NCR3LG1: variants seen among roughly 807,000 people sequenced by gnomAD.
NCR3LG1 encodes the protein natural killer cell cytotoxicity receptor 3 ligand 1.
A neutral mutation model predicts 34.8 loss-of-function variants in NCR3LG1; 35 were observed. That is an observed-to-expected ratio of 1.01 (90% CI 0.77 to 1.33). The LOEUF (loss-of-function observed/expected upper bound fraction) is 1.33, where lower values mean the gene tolerates loss of function less well. Among genes scored for constraint, NCR3LG1 ranks in the 40% most tolerant of loss-of-function variants. The pLI, the probability that NCR3LG1 is intolerant of heterozygous loss-of-function variation, is 0.00. For synonymous variants in NCR3LG1, 173 were observed against 163.6 expected (o/e 1.06, Z -0.44); for missense variants, 452 against 423.3 (o/e 1.07, Z -0.60).
chr11:17,362,691 C>CCTTCCTTTCTTT (rs1953285399), intron 2 of NCR3LG1, among the ~76,000 whole-genome samples: 2 of 33,162 alleles, frequency 6.0e-5, no homozygotes, highest in Non-Finnish European at 9.5e-5. Context: ...TTCCTTCCTT[C>CCTTCCTTTCTTT]CTTTCTTTCT....
intron 1 of NCR3LG1, among the ~76,000 whole-genome samples, chr11:17,352,264 T>C (rs1349918923): frequency 2.9e-5 from 4 of 140,246 alleles, no homozygotes; most frequent in African/African-American, 1.1e-4. Flanking sequence ...CACTGCAAGC[T>C]CCGCCTCCCA....
rs187707835 is a variant in NCR3LG1, at chr11:17,363,023, C to T, written c.422-3986C>T. 1.9e-3 allele frequency among the ~76,000 whole-genome samples: 290 copies of T among 149,416 alleles called. 5 individuals carry two copies. The highest frequency in any genetic ancestry group is 0.018 in the Admixed American group (261 of 14,858). On this transcript the variant is annotated intron_variant, in intron 2 of 4. Transcript: ENST00000338965. ...GCAGCCTTGACCTCCTGGGCACTAGCGATACTCCCACCTCGGCCTCTGGAA... is the reference window on the plus strand; with the variant it reads ...GCAGCCTTGACCTCCTGGGCACTAGTGATACTCCCACCTCGGCCTCTGGAA...
intron 1 of NCR3LG1, 62 bp from the exon 2 acceptor site, chr11:17,356,589 C>A: frequency 8.3e-7 from 1 of 1,206,588 alleles, no homozygotes; most frequent in Non-Finnish European, 1.2e-6. Flanking sequence ...CAGTCCATAG[C>A]ACATCTCAAA....
At chr11:17,368,381 G>A (rs986201008) in intron 3 of NCR3LG1, among the ~76,000 whole-genome samples, 9 of 152,222 alleles carry the variant, frequency 5.9e-5, no homozygotes, top group South Asian at 2.1e-4. Context: ...GGGGCACTGA[G>A]GAATGTGGTC....
intron 2 of NCR3LG1, among the ~76,000 whole-genome samples, chr11:17,357,377 A>G (rs890652358): frequency 6.6e-6 from 1 of 152,138 alleles, no homozygotes; most frequent in Non-Finnish European, 1.5e-5. Context: ...ATCATATTGG[A>G]TCAGAGCCCA....
chr11:17,372,472 T>C lies in NCR3LG1; in HGVS notation c.1325T>C (p.Leu442Pro). The change falls in exon 5 of 5, where the codon CTA becomes CCA. Residue 442 changes from leucine (L) to proline (P), a missense_variant. By Grantham distance (98) the Leu-to-Pro change is moderately conservative (BLOSUM62 -3). Coordinates refer to ENST00000338965, the MANE Select transcript of NCR3LG1 (RefSeq NM_001202439.3). ...GCCACAACATCAACAACTCCAGTTC[T>C]ATCCTCCCAACCCCCAACTTTACTG... ...PPATTSTTPV[L>P]SSQPPTLLLP... 2 of 702,632 alleles carry C rather than the reference T, an allele frequency of 2.8e-6. No homozygotes were observed. The highest frequency in any genetic ancestry group is 5.2e-6 in the Non-Finnish European group (2 of 384,778). 43.5% of individuals were successfully genotyped at this position (702,632 alleles called of 1,614,324 possible).
chr11:17,362,675 CCTTCCTTCCTTCCTTCCTTTCTTTCTTT>C (rs201001587), intron 2 of NCR3LG1, among the ~76,000 whole-genome samples: 1,985 of 63,970 alleles, frequency 0.031, 280 homozygotes, highest in African/African-American at 0.1. Context: ...CTCAGTGTCT[CCTTCCTTCCTTCCTTCCTTTCTTTCTTT>C]CTTTCTTTCT....
chr11:17,353,038 C>CA (rs769272905), intron 1 of NCR3LG1, among the ~76,000 whole-genome samples: 77 of 152,280 alleles, frequency 5.1e-4, no homozygotes, highest in Admixed American at 9.8e-4. Context: ...CGAGTCACTG[C>CA]AGGTGGAGGA....
In NCR3LG1 at chr11:17,352,023, G is replaced by A. The variant is rs1458460346; in HGVS notation, c.54G>A (p.Trp18Ter). The change falls in exon 1 of 5, where the codon TGG (tryptophan) becomes TGA (stop). Residue 18 changes from tryptophan (W) to a stop codon, truncating the protein, a stop_gained. Transcript: ENST00000338965. LOFTEE classifies it high-confidence loss of function. Reference sequence around the variant, plus strand: ...GCGCGGCGCTCCTGATTCTGCTGTGGGCGCTGACGACCGAAGGTAGGGGGC... The same window carrying A: ...GCGCGGCGCTCCTGATTCTGCTGTGAGCGCTGACGACCGAAGGTAGGGGGC... ...STCAALLILL[W>*]ALTTEGDLKV... The A allele has an allele frequency of 6.6e-7, 1 of 1,518,812 alleles. No individual in the cohort carries two copies. Among genetic ancestry groups the A allele is most frequent in the South Asian group, 1.2e-5 (1 of 83,380 alleles). 94.1% of individuals were successfully genotyped at this position (1,518,812 alleles called of 1,614,324 possible).
Position 17,375,910 on chromosome 11 carries a change from A to T in NCR3LG1, c.*3398A>T, listed in dbSNP as rs1953471508. ...ACTTTTCAACCCTCAGGATGGTTAC[A>T]ATCAGAAGATTGCAAAGTACGCTTG... On this transcript the variant is annotated 3_prime_UTR_variant, in exon 5 of 5. Transcript: ENST00000338965. 1 of 152,168 alleles carries T rather than the reference A, an allele frequency of 6.6e-6. No individual in the cohort carries two copies. The highest frequency in any genetic ancestry group is 3.2e-3 in the Middle Eastern group (1 of 316). The allele number at this position is 152,168 out of a possible 1,614,324, so 9.4% of individuals were successfully genotyped here.
At chr11:17,363,486 T>C (rs1953305287) in intron 2 of NCR3LG1, among the ~76,000 whole-genome samples, 1 of 149,656 alleles carries the variant, frequency 6.7e-6, no homozygotes, top group Non-Finnish European at 1.5e-5. Context: ...CTGTGACTTT[T>C]TTCTGTCTTT....
At chr11:17,363,183 C>A (rs1392827247) in intron 2 of NCR3LG1, among the ~76,000 whole-genome samples, 2 of 151,242 alleles carry the variant, frequency 1.3e-5, no homozygotes, top group Non-Finnish European at 2.9e-5. Flanking sequence ...CTTGGTCTCC[C>A]AAAGTGCTGG....
chr11:17,365,360 G>A (rs1371514407), intron 2 of NCR3LG1, among the ~76,000 whole-genome samples: 6 of 152,106 alleles, frequency 3.9e-5, no homozygotes. Context: ...ATAATCTTCT[G>A]TTATTATACT....
In NCR3LG1 at chr11:17,356,936, A is replaced by G; in HGVS notation, c.356A>G (p.Glu119Gly). 1.3e-6 allele frequency: 2 copies of G among 1,535,980 alleles called. No individual in the cohort carries two copies. Among genetic ancestry groups the G allele is most frequent in the Non-Finnish European group, 1.7e-6 (2 of 1,146,842 alleles). Reference sequence around the variant, plus strand: ...GGAATCCAGCTGGAGGAAGCAGGAGAGTACCGATGTGAGGTGGTGGTCACC... The same window carrying G: ...GGAATCCAGCTGGAGGAAGCAGGAGGGTACCGATGTGAGGTGGTGGTCACC... ...LPGIQLEEAG[E>G]YRCEVVVTPL... Residue 119 changes from glutamate (E) to glycine (G), a missense_variant, in exon 2 of 5, where the codon GAG becomes GGG. Coordinates refer to ENST00000338965, the MANE Select transcript of NCR3LG1 (RefSeq NM_001202439.3).
chr11:17,353,084 G>A (rs909320352), intron 1 of NCR3LG1, among the ~76,000 whole-genome samples: 33 of 152,292 alleles, frequency 2.2e-4, no homozygotes, highest in African/African-American at 7.7e-4. Context: ...AGACCTTGGC[G>A]GCAGCTTCAC....
intron 2 of NCR3LG1, among the ~76,000 whole-genome samples, chr11:17,358,552 G>A (rs1321901171): frequency 6.6e-6 from 1 of 152,126 alleles, no homozygotes; most frequent in East Asian, 1.9e-4. Flanking sequence ...AGTAGTGTTT[G>A]TCTGGTTTCT....
At position 17,367,568 on chromosome 11, in the gene NCR3LG1, G is replaced by A. The variant is rs185552520; in HGVS notation, c.760+221G>A. Among the ~76,000 whole-genome samples the A allele has an allele frequency of 1.5e-3, 221 of 152,296 alleles. 1 individual carries two copies. Among genetic ancestry groups the A allele is most frequent in the African/African-American group, 5.1e-3 (213 of 41,574 alleles). On this transcript the variant is annotated intron_variant, in intron 3 of 4. Coordinates refer to ENST00000338965, the MANE Select transcript of NCR3LG1 (RefSeq NM_001202439.3). ...AGATGATGGTCTTAGTAGGTGGAGA[G>A]TGGTGACTGTAGTCATCAGGTGGAG... is the stretch of plus-strand genomic sequence containing the variant.
At position 17,372,545 on chromosome 11, in the gene NCR3LG1, A is replaced by C; in HGVS notation, c.*33A>C. ...ATGGACCTGGTGCCACTAGGGTCCA[A>C]GTTCCCTTTTCATTACAGGACCTTG... On this transcript the variant is annotated 3_prime_UTR_variant, in exon 5 of 5. Coordinates refer to ENST00000338965, the MANE Select transcript of NCR3LG1 (RefSeq NM_001202439.3). The C allele has an allele frequency of 1.5e-6, 1 of 653,684 alleles. No individual in the cohort carries two copies. The highest frequency in any genetic ancestry group is 1.8e-5 in the African/African-American group (1 of 55,588). 40.5% of individuals were successfully genotyped at this position (653,684 alleles called of 1,614,324 possible).
At chr11:17,381,443 C>G (rs566353439), downstream of NCR3LG1, 1 of 152,664 alleles carries the variant, frequency 6.6e-6, no homozygotes, top group South Asian at 2.1e-4. Flanking sequence ...TTGGATGGAA[C>G]TATGGAATGA....
Sources: gnomAD v4.1 joint callset for allele counts (sites outside exome capture counted in the v4.1 genomes callset) on GRCh38, gnomAD v4.1.1 for gene constraint, MANE v1.5 for transcripts, NCBI Gene and HGNC (gene_info 2026-07-23, HGNC 2026-07-21) for gene names.